The following SLC14A2 variants were observed in gnomAD, a reference collection of about 807,000 sequenced individuals.
SLC14A2 encodes urea transporter 2.
SLC14A2 carries 91 observed loss-of-function variants against 104.6 expected under a neutral mutation model. That is an observed-to-expected ratio of 0.87 (90% CI 0.73 to 1.04). The LOEUF (loss-of-function observed/expected upper bound fraction) is 1.04, where lower values mean the gene tolerates loss of function less well. Among genes scored for constraint, SLC14A2 ranks in the 50% least tolerant of loss-of-function variants. SLC14A2 has a pLI of 0.00. For missense variants in SLC14A2, 1,189 were observed against 1,156.0 expected, an observed-to-expected ratio of 1.03 and a Z score of -0.41; for synonymous variants, 476 against 466.4, an observed-to-expected ratio of 1.02 and a Z score of -0.27.
rs2045577028 is a variant in SLC14A2 at position 45,643,977 on chromosome 18, TG to T, written c.1177-8del. ...AAACTTCTTCAGTCCCCAATGCTTT[TG>T]TTTCCAGGTGGGCGTGCCACCAGGC... On this transcript the variant is annotated splice_polypyrimidine_tract_variant and splice_region_variant and intron_variant, in intron 9 of 19. Transcript: ENST00000255226. 6.2e-7 allele frequency: 1 copy of T among 1,613,174 alleles called. No homozygotes were observed. Among genetic ancestry groups the T allele is most frequent in the African/African-American group, 1.3e-5 (1 of 75,020 alleles).
At chr18:45,216,355 G>T (rs915278195) in intron 1 of SLC14A2, among the ~76,000 whole-genome samples, 8 of 152,098 alleles carry the variant, frequency 5.3e-5, no homozygotes, top group African/African-American at 1.9e-4. Flanking sequence ...TGGGACAAGG[G>T]GGTGCCTGTG....
At chr18:45,668,063 AG>A (rs763738027) in intron 14 of SLC14A2, 41 bp downstream of exon 14, 2 of 1,578,272 alleles carry the variant, frequency 1.3e-6, no homozygotes, top group African/African-American at 2.7e-5. Context: ...GTAGCCAAGA[AG>A]TCACTCCCCA....
Position 45,472,522 on chromosome 18 carries a change from T to A in SLC14A2, c.-124-10711T>A, listed in dbSNP as rs141709803. Among the ~76,000 whole-genome samples the A allele has an allele frequency of 1.4e-3, 218 of 152,344 alleles. 1 individual carries two copies. The highest frequency in any genetic ancestry group is 4.8e-3 in the African/African-American group (198 of 41,588). On this transcript the variant is annotated intron_variant, in intron 1 of 20. Coordinates refer to the SLC14A2 transcript ENST00000586448. ...TGTAAAAGCATTCCTATTTTCCACA[T>A]CCTCTCCAGCATCTGTTGTTTTCTG...
the SLC14A2 span, among the ~76,000 whole-genome samples, chr18:45,202,203 G>A: frequency 6.6e-6 from 1 of 152,212 alleles, no homozygotes; most frequent in Non-Finnish European, 1.5e-5. Context: ...TTATTTGTAA[G>A]GTTCCCCAAC....
At chr18:45,432,054 G>GTT (rs1261615871) in intron 1 of SLC14A2, among the ~76,000 whole-genome samples, 1 of 152,190 alleles carries the variant, frequency 6.6e-6, no homozygotes, top group Non-Finnish European at 1.5e-5. Flanking sequence ...GGGCTTCACT[G>GTT]TTGAATATCA....
chr18:45,267,166 G>T (rs1362656943), intron 1 of SLC14A2, among the ~76,000 whole-genome samples: 1 of 152,110 alleles, frequency 6.6e-6, no homozygotes, highest in Non-Finnish European at 1.5e-5. Context: ...TCCGGACACA[G>T]GCCTGTCCTG....
chr18:45,422,978 T>C (rs2086370094), intron 1 of SLC14A2, among the ~76,000 whole-genome samples: 1 of 152,166 alleles, frequency 6.6e-6, no homozygotes, highest in Admixed American at 6.5e-5. Flanking sequence ...CTTCTTCCAC[T>C]ATCTTACTTT....
chr18:45,668,362 G>T lies in SLC14A2; in HGVS notation c.1921G>T (p.Ala641Ser), dbSNP rs149677287. ...CTCTCCTGCCAGGTCGGCCATCGCT[G>T]CAGGATTTCACGGCTACAATGGGGT... ...ILSQDKSAIA[A>S]GFHGYNGVLV... The change falls in exon 15 of 20, where the codon GCA (alanine) becomes TCA (serine). Residue 641 changes from alanine (A) to serine (S), a missense_variant. By Grantham distance (99) the Ala-to-Ser change is moderately conservative. Transcript: ENST00000255226. 1 of 1,614,146 alleles carries T rather than the reference G, an allele frequency of 6.2e-7. No individual in the cohort carries two copies. The highest frequency in any genetic ancestry group is 1.7e-5 in the Admixed American group (1 of 60,022).
chr18:45,353,115 G>A (rs535096567), intron 1 of SLC14A2, among the ~76,000 whole-genome samples: 2 of 152,332 alleles, frequency 1.3e-5, no homozygotes, highest in Admixed American at 1.3e-4. Flanking sequence ...TGTTACATAA[G>A]CATACACCTA....
chr18:45,442,159 A>G (rs1243286435), intron 1 of SLC14A2, among the ~76,000 whole-genome samples: 1 of 152,146 alleles, frequency 6.6e-6, no homozygotes, highest in African/African-American at 2.4e-5. Flanking sequence ...CTTACCTGCT[A>G]TGTGGTCTTG....
intron 1 of SLC14A2, among the ~76,000 whole-genome samples, chr18:45,419,474 T>C (rs1225634564): frequency 6.6e-6 from 1 of 152,252 alleles, no homozygotes; most frequent in African/African-American, 2.4e-5. Context: ...CAAAATGAAC[T>C]TTTAAAACAT....
chr18:45,414,753 A>AG (rs2086252803), intron 1 of SLC14A2, among the ~76,000 whole-genome samples: 1 of 64,010 alleles, frequency 1.6e-5, no homozygotes, highest in African/African-American at 7.9e-5. Flanking sequence ...GTAAAAAAAA[A>AG]AAAAATATAT....
chr18:45,676,326 G>A (rs529712486), intron 18 of SLC14A2, among the ~76,000 whole-genome samples: 13 of 152,264 alleles, frequency 8.5e-5, no homozygotes, highest in South Asian at 2.1e-4. Context: ...AGGTGGCTGC[G>A]TCCAGACCGT....
At chr18:45,475,691 T>C (rs2087365130) in intron 1 of SLC14A2, among the ~76,000 whole-genome samples, 1 of 125,420 alleles carries the variant, frequency 8.0e-6, no homozygotes, top group African/African-American at 3.1e-5. Context: ...ATATATATGA[T>C]AGTTATCTCT....
intron 2 of SLC14A2, among the ~76,000 whole-genome samples, chr18:45,520,927 C>T (rs749797076): frequency 6.6e-5 from 10 of 151,718 alleles, no homozygotes; most frequent in Non-Finnish European, 1.3e-4. Context: ...GGTGACAGGG[C>T]CTTGGTGATT....
At chr18:45,403,101 A>G (rs1252488814) in intron 1 of SLC14A2, among the ~76,000 whole-genome samples, 1 of 152,224 alleles carries the variant, frequency 6.6e-6, no homozygotes, top group African/African-American at 2.4e-5. Flanking sequence ...TTAAGGTCCC[A>G]ACAGGGTTAG....
At chr18:45,528,181 G>T (rs1210452323) in intron 2 of SLC14A2, 2 of 56,148 alleles carry the variant, frequency 3.6e-5, no homozygotes, top group South Asian at 1.0e-3. Context: ...GTGTGTGTGT[G>T]CGGGGGGGGG....
the SLC14A2 span, among the ~76,000 whole-genome samples, chr18:45,176,681 A>T: frequency 6.6e-6 from 1 of 152,130 alleles, no homozygotes; most frequent in Non-Finnish European, 1.5e-5. Flanking sequence ...GGCTGCATTC[A>T]CACACCCTCT....
At position 45,625,720 on chromosome 18, in the gene SLC14A2, A is replaced by T. The variant is rs1428175819; in HGVS notation, c.188A>T (p.Lys63Met). 1 of 1,563,642 alleles carries T rather than the reference A, an allele frequency of 6.4e-7. No individual in the cohort carries two copies. Among genetic ancestry groups the T allele is most frequent in the Non-Finnish European group, 8.6e-7 (1 of 1,160,240 alleles). ...TCCAATGAAGACAGTCACATTGTGAAGATCGAAAAGCTCAATGAAAGGAGT... is the reference window on the plus strand; with the variant it reads ...TCCAATGAAGACAGTCACATTGTGATGATCGAAAAGCTCAATGAAAGGAGT... ...RSSNEDSHIV[K>M]IEKLNERSKR... is the part of the protein sequence containing the mutation. The change falls in exon 3 of 20, where the codon AAG becomes ATG. Residue 63 changes from lysine (K) to methionine (M), a missense_variant. Physicochemically the swap from Lys to Met is moderately conservative, Grantham distance 95 (BLOSUM62 -1). Coordinates refer to ENST00000255226, the MANE Select transcript of SLC14A2 (RefSeq NM_007163.4).
Sources: allele counts gnomAD v4.1 joint callset (sites outside exome capture counted in the v4.1 genomes callset), GRCh38; gene constraint gnomAD v4.1.1; transcripts MANE v1.5; gene names NCBI Gene and HGNC (gene_info 2026-07-23, HGNC 2026-07-21).